Variants in SF3A2 observed in about 807,000 individuals in gnomAD.
The protein encoded by SF3A2 is splicing factor 3a subunit 2, also known as SAP 62.
A neutral mutation model predicts 31.1 loss-of-function variants in SF3A2; 5 were observed. The observed-to-expected ratio is 0.16, with a 90% confidence interval of 0.08 to 0.34. The LOEUF (loss-of-function observed/expected upper bound fraction) is 0.34, where lower values mean the gene tolerates loss of function less well. Ranked by LOEUF, SF3A2 falls within the 10% of genes least tolerant of loss-of-function variation. The pLI is 1.00. For missense variants in SF3A2, 577 were observed against 643.9 expected (o/e 0.90, Z 1.13); for synonymous variants, 365 against 263.7 (o/e 1.38, Z -3.72).
At position 2,245,388 on chromosome 19, in the gene SF3A2, C is replaced by A; in HGVS notation, c.246-58C>A. On this transcript the variant is annotated intron_variant, in intron 4 of 8. Transcript: ENST00000221494. This position sits in a 1 kb window ranked among gnomAD's most constrained non-coding sequence, Gnocchi z 4.2. The stretch of plus-strand genomic sequence containing the variant: ...TCAGGGGGCTCCTGGCACCTGGGCC[C>A]ATGGCTTTGGTGCCTGTGTGTGGAG... 1 of 1,318,258 alleles carries A rather than the reference C, an allele frequency of 7.6e-7. No homozygotes were observed. Among genetic ancestry groups the A allele is most frequent in the Non-Finnish European group, 1.1e-6 (1 of 939,906 alleles). 81.7% of individuals were successfully genotyped at this position (1,318,258 alleles called of 1,614,324 possible). A position where few individuals can be genotyped will look rare whatever the true frequency, so the allele number is the denominator to read the frequency against.
Position 2,248,070 on chromosome 19 carries a change from G to T in SF3A2, c.919G>T (p.Gly307Cys). Residue 307 changes from glycine to cysteine, a missense_variant, in exon 9 of 9, where the codon GGC becomes TGC. Gly to Cys is a radical substitution (Grantham distance 159). Around this residue, in one of 6 missense-constraint regions of SF3A2, gnomAD observed 462 missense variants for 339.1 expected, o/e 1.36. Coordinates refer to ENST00000221494, the MANE Select transcript of SF3A2 (RefSeq NM_007165.5). Reference sequence around the variant, plus strand: ...ATCTGGGGTCCATCCCCCAGCTCCTGGCGTCCACCCCCCAGCTCCTGGCGT... The same window carrying T: ...ATCTGGGGTCCATCCCCCAGCTCCTTGCGTCCACCCCCCAGCTCCTGGCGT... ...PASGVHPPAP[G>C]VHPPAPGVHP... 1 of 916,952 alleles carries T rather than the reference G, an allele frequency of 1.1e-6. No homozygotes were observed. 56.8% of individuals were successfully genotyped at this position (916,952 alleles called of 1,614,324 possible). A position where few individuals can be genotyped will look rare whatever the true frequency, so the allele number is the denominator to read the frequency against.
At chr19:2,237,001 C>T (rs1208461803) in intron 1 of SF3A2, 100 bp downstream of exon 1, 1 of 151,802 alleles carries the variant, frequency 6.6e-6, no homozygotes, top group African/African-American at 2.4e-5. Flanking sequence ...AGGCCGCGGG[C>T]CGAGGGTGGG....
Position 2,246,421 on chromosome 19 carries a change from A to G in SF3A2, c.356-332A>G, listed in dbSNP as rs2024933554. On this transcript the variant is annotated intron_variant, in intron 5 of 8. Coordinates refer to ENST00000221494, the MANE Select transcript of SF3A2 (RefSeq NM_007165.5). This position sits in a 1 kb window ranked among gnomAD's most constrained non-coding sequence, Gnocchi z 5.5. Reference sequence around the variant, plus strand: ...GCGGCCCCGCTCGAATCCCAGAGCCAGGGTGCCGAGGGCCCCTCCCTACCC... The same window carrying G: ...GCGGCCCCGCTCGAATCCCAGAGCCGGGGTGCCGAGGGCCCCTCCCTACCC... Among the ~76,000 whole-genome samples the G allele has an allele frequency of 1.3e-5, 2 of 152,062 alleles. No homozygotes were observed. Among genetic ancestry groups the G allele is most frequent in the Non-Finnish European group, 1.5e-5 (1 of 67,994 alleles).
intron 1 of SF3A2, among the ~76,000 whole-genome samples, chr19:2,241,483 G>A (rs2024888368): frequency 6.6e-6 from 1 of 152,202 alleles, no homozygotes; most frequent in Non-Finnish European, 1.5e-5. Context: ...GTCCTCCAGA[G>A]AAAAATGAGG....
intron 1 of SF3A2, among the ~76,000 whole-genome samples, chr19:2,241,536 C>G (rs1038601205): frequency 6.6e-6 from 1 of 152,194 alleles, no homozygotes; most frequent in Non-Finnish European, 1.5e-5. Flanking sequence ...CAATCCTGCC[C>G]GCCTGTGGGC....
rs60862139 is a variant in SF3A2 at position 2,248,021 on chromosome 19, G to C, written c.870G>C (p.Pro290=). 9.5e-6 allele frequency: 7 copies of C among 736,314 alleles called. No homozygotes were observed. The highest frequency in any genetic ancestry group is 5.4e-5 in the African/African-American group (2 of 36,766). The allele number at this position is 736,314 out of a possible 1,614,324, so 45.6% of individuals were successfully genotyped here. ...LPPPAPGVHP[P]APVVHPPASG... is the part of the protein sequence containing the mutation. The stretch of plus-strand genomic sequence containing the variant: ...CGCCAGCTCCAGGGGTCCACCCCCC[G>C]GCCCCAGTGGTGCATCCCCCTGCAT... The change falls in exon 9 of 9, where the codon CCG becomes CCC. Residue 290 remains proline (P), a synonymous_variant. Transcript: ENST00000221494.
In SF3A2 at chr19:2,245,020, A is replaced by G. The variant is rs528364151; in HGVS notation, c.245+241A>G. 128 of 565,418 alleles carry G rather than the reference A, an allele frequency of 2.3e-4. 1 individual carries two copies. The highest frequency in any genetic ancestry group is 2.2e-3 in the African/African-American group (116 of 53,250). 35.0% of individuals were successfully genotyped at this position (565,418 alleles called of 1,614,324 possible). ...GCCAACATTGTGAAACTCCATCTCT[A>G]CTAAAAATACAAAAATTAGGCCAGG... is the stretch of plus-strand genomic sequence containing the variant. On this transcript the variant is annotated intron_variant, in intron 4 of 8. Coordinates refer to ENST00000221494, the MANE Select transcript of SF3A2 (RefSeq NM_007165.5). The surrounding 1 kb of genome is among the most constrained non-coding windows in gnomAD (Gnocchi z 4.2).
In SF3A2 at chr19:2,247,584, GCCCT is replaced by G; in HGVS notation, c.547-6_547-3del. On this transcript the variant is annotated splice_region_variant and splice_polypyrimidine_tract_variant and intron_variant, in intron 7 of 8. Transcript: ENST00000221494. Reference sequence around the variant, plus strand: ...GGACCAGGAGCCCTCTCTGTCCCCCGCCCTCCCAGGTGCCGAGCAGAGAGATCGA... The same window carrying G: ...GGACCAGGAGCCCTCTCTGTCCCCCGCCCAGGTGCCGAGCAGAGAGATCGA... The G allele has an allele frequency of 6.2e-7, 1 of 1,612,948 alleles. No individual in the cohort carries two copies. Among genetic ancestry groups the G allele is most frequent in the Non-Finnish European group, 8.5e-7 (1 of 1,179,610 alleles).
chr19:2,239,370 AAAAAAG>A (rs1179446077), intron 1 of SF3A2, among the ~76,000 whole-genome samples: 504 of 152,050 alleles, frequency 3.3e-3, no homozygotes, highest in African/African-American at 0.011. Context: ...AAAAAAAAAA[AAAAAAG>A]AGAGAGAAAA....
At chr19:2,239,435 C>A (rs923289833) in intron 1 of SF3A2, among the ~76,000 whole-genome samples, 1 of 151,004 alleles carries the variant, frequency 6.6e-6, no homozygotes, top group African/African-American at 2.4e-5. Flanking sequence ...CAGTGCTGTT[C>A]TCAAAAGATC....
chr19:2,242,881 A>T (rs1286921605), intron 1 of SF3A2, among the ~76,000 whole-genome samples: 1 of 152,026 alleles, frequency 6.6e-6, no homozygotes, highest in African/African-American at 2.4e-5. Context: ...GTCCTCACTG[A>T]TCTCCGCCTA....
Position 2,247,010 on chromosome 19 carries a change from C to G in SF3A2, c.534C>G (p.Thr178=), listed in dbSNP as rs370982323. The G allele has an allele frequency of 3.5e-6, 5 of 1,436,796 alleles. No homozygotes were observed. Among genetic ancestry groups the G allele is most frequent in the Non-Finnish European group, 3.7e-6 (4 of 1,086,140 alleles). 89.0% of individuals were successfully genotyped at this position (1,436,796 alleles called of 1,614,324 possible). The change falls in exon 7 of 9, where the codon ACC becomes ACG. Residue 178 remains threonine (T), a synonymous_variant. Coordinates refer to ENST00000221494, the MANE Select transcript of SF3A2 (RefSeq NM_007165.5). ...TCATGGCCGCCGAGCCCTACGAGAC[C>G]ATTGCCTTCAAGGTAGCGTGGCTGC... ...YLLMAAEPYE[T]IAFKVPSREI... is the part of the protein sequence containing the mutation.
At position 2,245,352 on chromosome 19, in the gene SF3A2, G is replaced by A; in HGVS notation, c.246-94G>A. On this transcript the variant is annotated intron_variant, in intron 4 of 8. Transcript: ENST00000221494. This position sits in a 1 kb window ranked among gnomAD's most constrained non-coding sequence, Gnocchi z 4.2. ...CCCTCCTCATCTCTCAGCTTGTAGT[G>A]AGCTCCAAGGTCAGGGGGCTCCTGG... 2.3e-6 allele frequency: 2 copies of A among 887,924 alleles called. No individual in the cohort carries two copies. Among genetic ancestry groups the A allele is most frequent in the South Asian group, 3.1e-5 (2 of 64,028 alleles). The allele number at this position is 887,924 out of a possible 1,614,324, so 55.0% of individuals were successfully genotyped here.
chr19:2,244,833 GTC>G (rs1460381551), intron 4 of SF3A2, 54 bp downstream of exon 4: 2 of 1,542,320 alleles, frequency 1.3e-6, no homozygotes, highest in East Asian at 2.3e-5. Context: ...GTTGGCTCAA[GTC>G]TCTGTGAGCC....
chr19:2,237,418 A>AG (rs1314457072), intron 1 of SF3A2: 5 of 151,016 alleles, frequency 3.3e-5, no homozygotes, highest in African/African-American at 1.2e-4. Flanking sequence ...GCAAAAAAAA[A>AG]AAAAAAAAAA....
chr19:2,248,509 G>A lies in SF3A2; in HGVS notation c.1358G>A (p.Gly453Asp). The part of the protein sequence containing the change: ...PMLRPPLPSE[G>D]PGNIPPPPPT... ...CTGAGGCCCCCACTTCCCTCCGAAG[G>A]CCCAGGGAACATACCTCCCCCTCCC... The change falls in exon 9 of 9, where the codon GGC becomes GAC. Residue 453 changes from glycine to aspartate, a missense_variant. Around this residue, in one of 6 missense-constraint regions of SF3A2, gnomAD observed 462 missense variants for 339.1 expected, o/e 1.36. Transcript: ENST00000221494. 1 of 1,183,340 alleles carries A rather than the reference G, an allele frequency of 8.5e-7. No individual in the cohort carries two copies. The highest frequency in any genetic ancestry group is 1.8e-5 in the African/African-American group (1 of 55,586). 73.3% of individuals were successfully genotyped at this position (1,183,340 alleles called of 1,614,324 possible).
At chr19:2,247,176 A>G (rs1006475188) in intron 7 of SF3A2, 154 bp downstream of exon 7, 18 of 48,316 alleles carry the variant, frequency 3.7e-4, no homozygotes, top group South Asian at 1.6e-3. Context: ...CGGGCAGGGC[A>G]CCTCTCCCAT....
chr19:2,243,080 A>G (rs575985573), intron 1 of SF3A2, among the ~76,000 whole-genome samples: 2 of 151,990 alleles, frequency 1.3e-5, no homozygotes, highest in Admixed American at 6.5e-5. Context: ...CCCTATTACA[A>G]TTTCAGGTCT....
Position 2,246,808 on chromosome 19 carries a change from A to T in SF3A2, c.405+6A>T, listed in dbSNP as rs1317620075. 6.2e-7 allele frequency: 1 copy of T among 1,613,894 alleles called. No individual in the cohort carries two copies. The highest frequency in any genetic ancestry group is 1.1e-5 in the South Asian group (1 of 91,090). ...AGCAGAGCCTCCTCTTCCAGGTGAG[A>T]TCAGGGACTTGGGCGTGGGGGGCGG... On this transcript the variant is annotated splice_donor_region_variant and intron_variant, in intron 6 of 8. Transcript: ENST00000221494. The surrounding 1 kb of genome is among the most constrained non-coding windows in gnomAD (Gnocchi z 5.5).
Sources: gnomAD v4.1 joint callset for allele counts (sites outside exome capture counted in the v4.1 genomes callset) on GRCh38, gnomAD v4.1.1 for gene constraint, gnomAD v4.1.1 regional missense constraint, Gnocchi (gnomAD v3.1) non-coding constraint, MANE v1.5 for transcripts, NCBI Gene and HGNC (gene_info 2026-07-23, HGNC 2026-07-21) for gene names.